WHRN: variants seen among roughly 807,000 people sequenced by gnomAD.
The protein encoded by WHRN is CASK-interacting protein CIP98.
In WHRN, 41 loss-of-function variants were observed where a neutral mutation model predicts 68.3. The observed-to-expected ratio is 0.60, with a 90% CI of 0.47 to 0.78. The LOEUF is 0.78. Ranked by LOEUF, WHRN falls within the 30% of genes least tolerant of loss-of-function variation. The probability of loss-of-function intolerance (pLI) is 0.00; values close to 1 mark genes in which losing one functional copy is unlikely to be tolerated. For synonymous variants in WHRN, 560 were observed against 561.3 expected, an observed-to-expected ratio of 1.00 and a Z score of 0.03; for missense variants, 1,243 against 1,244.7, an observed-to-expected ratio of 1.00 and a Z score of 0.02.
At position 114,499,546 on chromosome 9, in the gene WHRN, C is replaced by T. The variant is rs1843740739; in HGVS notation, c.618+4638G>A. ...CCTTCCAGGTCATAAAAGAACCTTG[C>T]AAGAAATCACCAGTTGGAGCCTAAT... is the stretch of plus-strand genomic sequence containing the variant. On this transcript the variant is annotated intron_variant, in intron 1 of 11. Transcript: ENST00000362057. Among the ~76,000 whole-genome samples, 3 of 152,228 alleles carry T rather than the reference C, an allele frequency of 2.0e-5. No individual in the cohort carries two copies. The South Asian group carries it at 6.2e-4, about 32-fold the overall frequency.
chr9:114,409,519 C>T (rs943052653), intron 7 of WHRN, among the ~76,000 whole-genome samples: 11 of 152,224 alleles, frequency 7.2e-5, no homozygotes, highest in South Asian at 2.1e-4. Context: ...TGAGAACCCC[C>T]GAGCAGCTCC....
At chr9:114,502,187 G>A (rs1429925802) in intron 1 of WHRN, among the ~76,000 whole-genome samples, 1 of 152,188 alleles carries the variant, frequency 6.6e-6, no homozygotes, top group Non-Finnish European at 1.5e-5. Context: ...ATGGCTAGAA[G>A]TGGGGTGACC....
At chr9:114,442,609 A>AAAAACGGC (rs1838469509) in intron 3 of WHRN, among the ~76,000 whole-genome samples, 1 of 152,196 alleles carries the variant, frequency 6.6e-6, no homozygotes, top group African/African-American at 2.4e-5. Flanking sequence ...TGGATCCCTC[A>AAAAACGGC]TAAACGGCTT....
chr9:114,477,656 G>A (rs1210770602), intron 2 of WHRN, among the ~76,000 whole-genome samples: 2 of 152,130 alleles, frequency 1.3e-5, no homozygotes, highest in Non-Finnish European at 2.9e-5. Context: ...AATCTTCAGG[G>A]GAAGGACACT....
intron 1 of WHRN, 49 bp from the exon 2 acceptor site, chr9:114,478,820 G>A (rs534659368): frequency 1.9e-6 from 3 of 1,556,136 alleles, no homozygotes; most frequent in African/African-American, 1.3e-5. Flanking sequence ...TGCCGGGGGT[G>A]TGGAGGAACA....
intron 1 of WHRN, among the ~76,000 whole-genome samples, chr9:114,495,719 C>A (rs914648745): frequency 9.9e-5 from 15 of 151,998 alleles, no homozygotes; most frequent in African/African-American, 3.6e-4. Context: ...GAAGGACTTG[C>A]AGGAGGAGAG....
At chr9:114,450,481 T>G (rs1839223855) in intron 3 of WHRN, among the ~76,000 whole-genome samples, 1 of 152,176 alleles carries the variant, frequency 6.6e-6, no homozygotes, top group South Asian at 2.1e-4. Flanking sequence ...GGCCAGCCCC[T>G]TCCTGGTAAG....
intron 3 of WHRN, among the ~76,000 whole-genome samples, chr9:114,439,217 TAGAA>T (rs1002074128): frequency 2.0e-5 from 3 of 152,150 alleles, no homozygotes; most frequent in Admixed American, 6.5e-5. Flanking sequence ...TTTTAGTACT[TAGAA>T]AGTAAAATTA....
chr9:114,487,343 C>A (rs148200838), intron 1 of WHRN, among the ~76,000 whole-genome samples: 2 of 151,696 alleles, frequency 1.3e-5, no homozygotes, highest in Non-Finnish European at 2.9e-5. Flanking sequence ...TTTATAAACA[C>A]GTATATATAC....
In WHRN at chr9:114,424,495, C is replaced by G. The variant is rs1279208260; in HGVS notation, c.1255G>C (p.Gly419Arg). The G allele has an allele frequency of 6.2e-7, 1 of 1,613,868 alleles. No homozygotes were observed. The highest frequency in any genetic ancestry group is 2.2e-5 in the East Asian group (1 of 44,874). The change falls in exon 6 of 12, where the codon GGG becomes CGG. Residue 419 changes from glycine to arginine, a missense_variant. Physicochemically the swap from Gly to Arg is moderately radical, Grantham distance 125 (BLOSUM62 -2). Transcript: ENST00000362057. Reference protein sequence around the residue: ...AGSQVTLSSLGNQTRVLLEEQ... With the variant: ...AGSQVTLSSLRNQTRVLLEEQ... ...TCCAGCAGCACTCGTGTCTGGTTCC[C>G]CAGGCTGCTCAGGGTCACCTGGGAG... is the stretch of plus-strand genomic sequence containing the variant.
chr9:114,466,496 C>A lies in WHRN; in HGVS notation c.838-104G>T, dbSNP rs1840707368. Reference sequence around the variant, plus strand: ...TCGTACTTTGAAGAGCGCATCTTATCCGACTGGCAAGGAGGCCCAGGCCAA... The same window carrying A: ...TCGTACTTTGAAGAGCGCATCTTATACGACTGGCAAGGAGGCCCAGGCCAA... On this transcript the variant is annotated intron_variant, in intron 2 of 11. Transcript: ENST00000362057. 19 of 1,545,914 alleles carry A rather than the reference C, an allele frequency of 1.2e-5. 1 individual carries two copies. In the South Asian group the frequency reaches 2.1e-4, roughly 17 times the overall value.
chr9:114,435,694 T>G (rs1356617700), intron 3 of WHRN, among the ~76,000 whole-genome samples: 1 of 152,210 alleles, frequency 6.6e-6, no homozygotes, highest in Non-Finnish European at 1.5e-5. Flanking sequence ...CAAGCTGCTC[T>G]GTAGACCTGC....
chr9:114,403,986 TG>T lies in WHRN; in HGVS notation c.2327del (p.Pro776GlnfsTer44). 6.2e-7 allele frequency: 1 copy of T among 1,612,594 alleles called. No individual in the cohort carries two copies. On this transcript the variant is annotated frameshift_variant, in exon 10 of 12. Coordinates refer to ENST00000362057, the MANE Select transcript of WHRN (RefSeq NM_015404.4). LOFTEE classifies it high-confidence loss of function. Reference protein sequence around the residue: ...VDAGEAEASAPGRGRQSVSTK... With the variant: ...VDAGEAEASAXGRGRQSVSTK... ...TGGACACCGACTGCCTTCCTCGGCC[TG>T]GGGCGCTGGCCTCTGCCTCGCCAGC...
At chr9:114,416,283 C>T (rs1219401723) in intron 7 of WHRN, among the ~76,000 whole-genome samples, 1 of 152,206 alleles carries the variant, frequency 6.6e-6, no homozygotes, top group East Asian at 1.9e-4. Flanking sequence ...ACCTCAAGGG[C>T]ATTTGCTCCT....
intron 3 of WHRN, among the ~76,000 whole-genome samples, chr9:114,465,015 T>C (rs1211503647): frequency 2.6e-5 from 4 of 152,132 alleles, no homozygotes; most frequent in South Asian, 4.2e-4. Context: ...AGGGCTTACG[T>C]AGTGTTATTA....
At chr9:114,484,766 T>G (rs574384359) in intron 1 of WHRN, among the ~76,000 whole-genome samples, 55 of 152,330 alleles carry the variant, frequency 3.6e-4, no homozygotes, top group African/African-American at 1.3e-3. Flanking sequence ...GTAAATTATA[T>G]GTGTATGTCT....
At chr9:114,482,835 C>T (rs1283223361) in intron 1 of WHRN, among the ~76,000 whole-genome samples, 1 of 152,178 alleles carries the variant, frequency 6.6e-6, no homozygotes, top group Admixed American at 6.5e-5. Context: ...TTGATGAGAA[C>T]ACCACAGAGA....
At chr9:114,454,601 T>C (rs1207551561) in intron 3 of WHRN, among the ~76,000 whole-genome samples, 1 of 152,120 alleles carries the variant, frequency 6.6e-6, no homozygotes, top group East Asian at 1.9e-4. Context: ...TATTCATTGA[T>C]TGCAAGACTG....
intron 7 of WHRN, among the ~76,000 whole-genome samples, chr9:114,409,706 C>G (rs2132234363): frequency 6.6e-6 from 1 of 151,840 alleles, no homozygotes; most frequent in Admixed American, 6.6e-5. Context: ...TGCGACTCTT[C>G]TGCTTGGCTA....
Sources: gnomAD v4.1 joint callset for allele counts (sites outside exome capture counted in the v4.1 genomes callset) on GRCh38, gnomAD v4.1.1 for gene constraint, MANE v1.5 for transcripts, NCBI Gene and HGNC (gene_info 2026-07-23, HGNC 2026-07-21) for gene names.